Variants in RBFOX1 observed in about 807,000 individuals in gnomAD.
RBFOX1 encodes RNA binding fox-1 homolog 1.
RBFOX1 carries 8 observed loss-of-function variants against 57.7 expected under a neutral mutation model. That is an observed-to-expected ratio of 0.14 (90% confidence interval 0.08 to 0.25). RBFOX1 has a LOEUF of 0.25. RBFOX1 is among the 10% of genes least tolerant of loss of function. The pLI is 1.00. For missense variants in RBFOX1, 611 were observed against 548.5 expected, an observed-to-expected ratio of 1.11 and a Z score of -1.14; for synonymous variants, 326 against 222.4, an observed-to-expected ratio of 1.47 and a Z score of -4.15.
intron 4 of RBFOX1, among the ~76,000 whole-genome samples, chr16:7,242,022 C>T (rs2094090637): frequency 6.6e-6 from 1 of 151,956 alleles, no homozygotes; most frequent in Admixed American, 6.6e-5. Context: ...TTTTTTTGTG[C>T]AGTGTCCCTG....
chr16:6,550,430 A>G (rs1026184053), intron 2 of RBFOX1, among the ~76,000 whole-genome samples: 2 of 152,110 alleles, frequency 1.3e-5, no homozygotes, highest in African/African-American at 2.4e-5. Context: ...GCCTCAAGTG[A>G]TCTGTTCACC....
At position 7,423,710 on chromosome 16, in the gene RBFOX1, G is replaced by T. The variant is rs527292758; in HGVS notation, c.28-94437G>T. On this transcript the variant is annotated intron_variant, in intron 4 of 15. Coordinates refer to ENST00000550418, the MANE Select transcript of RBFOX1 (RefSeq NM_018723.4). ...TTCGCTGACCTGCCCAGAGGAGGAG[G>T]CTGGGCCACTTTCTTTTCCACATTA... 3.9e-5 allele frequency among the ~76,000 whole-genome samples: 6 copies of T among 152,268 alleles called. No homozygotes were observed. The South Asian group carries it at 6.2e-4, about 16-fold the overall frequency.
intron 3 of RBFOX1, among the ~76,000 whole-genome samples, chr16:5,625,039 G>C (rs1034121422): frequency 1.3e-5 from 2 of 152,186 alleles, no homozygotes; most frequent in African/African-American, 2.4e-5. Flanking sequence ...CCCTCCATAG[G>C]CGGCTCTGGA....
chr16:6,023,209 G>T (rs1464353925), intron 1 of RBFOX1, among the ~76,000 whole-genome samples: 1 of 151,788 alleles, frequency 6.6e-6, no homozygotes, highest in Non-Finnish European at 1.5e-5. Flanking sequence ...GTCTGAGCGG[G>T]TTTCTCCTCC....
At chr16:6,914,874 C>A (rs1002435845) in intron 3 of RBFOX1, among the ~76,000 whole-genome samples, 2 of 152,198 alleles carry the variant, frequency 1.3e-5, no homozygotes, top group East Asian at 1.9e-4. Flanking sequence ...GGCAACAGAG[C>A]AAGACCCTCT....
At chr16:6,864,605 G>A (rs184451485) in intron 3 of RBFOX1, among the ~76,000 whole-genome samples, 37 of 150,186 alleles carry the variant, frequency 2.5e-4, no homozygotes, top group Admixed American at 8.6e-4. Context: ...ATGTGTCAAC[G>A]GCAGGATATT....
intron 3 of RBFOX1, among the ~76,000 whole-genome samples, chr16:6,969,877 G>A (rs1002731938): frequency 1.3e-5 from 2 of 152,168 alleles, no homozygotes; most frequent in African/African-American, 2.4e-5. Context: ...TAATTGATGG[G>A]TATGCAATGT....
intron 3 of RBFOX1, among the ~76,000 whole-genome samples, chr16:6,976,594 C>G (rs1176583329): frequency 6.6e-6 from 1 of 151,662 alleles, no homozygotes; most frequent in Non-Finnish European, 1.5e-5. Context: ...ACTTCATAGA[C>G]AGAGTAGGGC....
intron 9 of RBFOX1, among the ~76,000 whole-genome samples, chr16:7,606,877 A>G (rs1324515417): frequency 6.6e-6 from 1 of 152,236 alleles, no homozygotes; most frequent in Non-Finnish European, 1.5e-5. Flanking sequence ...GCTGCCAAGA[A>G]TTTTGTTTAT....
chr16:6,926,879 C>A (rs970542981), intron 3 of RBFOX1, among the ~76,000 whole-genome samples: 8 of 152,026 alleles, frequency 5.3e-5, no homozygotes, highest in African/African-American at 1.9e-4. Context: ...TCACTTAGAA[C>A]CTGCGCATTG....
intron 4 of RBFOX1, among the ~76,000 whole-genome samples, chr16:7,341,548 C>G (rs752021889): frequency 6.6e-6 from 1 of 152,284 alleles, no homozygotes; most frequent in Middle Eastern, 3.4e-3. Context: ...CTCCACCCCA[C>G]TGACCGACTC....
intron 3 of RBFOX1, among the ~76,000 whole-genome samples, chr16:5,711,908 A>T (rs1046927764): frequency 1.3e-5 from 2 of 152,222 alleles, no homozygotes; most frequent in Non-Finnish European, 2.9e-5. Context: ...TTGACCTGCT[A>T]TGCATTAGTT....
At chr16:6,316,200 G>A (rs538475077) in intron 1 of RBFOX1, among the ~76,000 whole-genome samples, 39 of 128,388 alleles carry the variant, frequency 3.0e-4, no homozygotes, top group African/African-American at 8.8e-4. Flanking sequence ...ATAGGATGCC[G>A]TAAACATCTT....
At chr16:7,545,864 G>A (rs957518956) in intron 5 of RBFOX1, among the ~76,000 whole-genome samples, 1 of 151,998 alleles carries the variant, frequency 6.6e-6, no homozygotes, top group Non-Finnish European at 1.5e-5. Flanking sequence ...CTCTGCATCG[G>A]GGGAGCAGAA....
intron 3 of RBFOX1, among the ~76,000 whole-genome samples, chr16:5,743,962 T>C (rs1478683305): frequency 3.3e-5 from 5 of 152,232 alleles, no homozygotes; most frequent in Non-Finnish European, 7.3e-5. Flanking sequence ...ACAGCATCTA[T>C]GTAGGTTGTT....
intron 3 of RBFOX1, among the ~76,000 whole-genome samples, chr16:6,801,051 C>T (rs1156510690): frequency 6.6e-6 from 1 of 151,968 alleles, no homozygotes; most frequent in Admixed American, 6.6e-5. Flanking sequence ...CTTGAACATG[C>T]ACAAAAATCA....
chr16:7,666,863 G>A (rs1340486145), intron 13 of RBFOX1, among the ~76,000 whole-genome samples: 1 of 152,172 alleles, frequency 6.6e-6, no homozygotes, highest in Non-Finnish European at 1.5e-5. Context: ...CATTCATCAT[G>A]TTTGGGCCAA....
chr16:7,067,691 C>A (rs1173593360), intron 4 of RBFOX1, among the ~76,000 whole-genome samples: 1 of 124,728 alleles, frequency 8.0e-6, no homozygotes, highest in Non-Finnish European at 1.6e-5. Context: ...CCCCGTCCCC[C>A]CACCCCACAA....
chr16:6,522,741 T>C (rs901156268), intron 2 of RBFOX1, among the ~76,000 whole-genome samples: 2 of 152,148 alleles, frequency 1.3e-5, no homozygotes, highest in African/African-American at 4.8e-5. Context: ...GACTGAATTG[T>C]GTCTTCTTCT....
Sources: allele counts gnomAD v4.1 joint callset (sites outside exome capture counted in the v4.1 genomes callset), GRCh38; gene constraint gnomAD v4.1.1; transcripts MANE v1.5; gene names NCBI Gene and HGNC (gene_info 2026-07-23, HGNC 2026-07-21).